The following PTPRD variants were observed in gnomAD, a reference collection of about 807,000 sequenced individuals.
PTPRD encodes the protein protein tyrosine phosphatase receptor type D.
PTPRD carries 34 observed loss-of-function variants against 214.5 expected under a neutral mutation model. The observed-to-expected ratio is 0.16, with a 90% confidence interval of 0.12 to 0.21. The LOEUF is 0.21. Ranked by LOEUF, PTPRD falls within the 10% of genes least tolerant of loss-of-function variation. The probability of loss-of-function intolerance (pLI) is 1.00; values close to 1 mark genes in which losing one functional copy is unlikely to be tolerated. For synonymous variants in PTPRD, 1,128 were observed against 845.7 expected (o/e 1.33, Z -5.79); for missense variants, 2,545 against 2,398.7 (o/e 1.06, Z -1.27).
chr9:9,821,602 G>A (rs577173660), intron 5 of PTPRD, among the ~76,000 whole-genome samples: 2 of 152,004 alleles, frequency 1.3e-5, no homozygotes, highest in African/African-American at 4.8e-5. Context: ...CTCTCTTCTT[G>A]TAATGTGTTT....
At chr9:9,927,159 T>G (rs1000664478) in intron 5 of PTPRD, among the ~76,000 whole-genome samples, 1 of 152,162 alleles carries the variant, frequency 6.6e-6, no homozygotes, top group African/African-American at 2.4e-5. Context: ...TATTTCTATA[T>G]TAGAATATTT....
At chr9:8,762,811 G>C (rs1449927254) in intron 11 of PTPRD, among the ~76,000 whole-genome samples, 1 of 152,162 alleles carries the variant, frequency 6.6e-6, no homozygotes, top group Non-Finnish European at 1.5e-5. Flanking sequence ...TAGCTATATA[G>C]ATAAGTGAGC....
At chr9:8,370,653 G>T (rs565398867) in intron 39 of PTPRD, among the ~76,000 whole-genome samples, 69 of 152,094 alleles carry the variant, frequency 4.5e-4, no homozygotes, top group Non-Finnish European at 8.5e-4. Flanking sequence ...ATAGCAATGT[G>T]GTATGGAATC....
At chr9:9,973,836 T>C (rs1297515221) in intron 4 of PTPRD, among the ~76,000 whole-genome samples, 1 of 152,238 alleles carries the variant, frequency 6.6e-6, no homozygotes, top group Non-Finnish European at 1.5e-5. Flanking sequence ...ATCTTATTTT[T>C]AGAAATTTTC....
chr9:9,298,306 T>C (rs1241746161), intron 9 of PTPRD, among the ~76,000 whole-genome samples: 2 of 151,718 alleles, frequency 1.3e-5, no homozygotes, highest in African/African-American at 2.4e-5. Context: ...AAACATCCTT[T>C]GTACATGAAA....
At chr9:8,789,999 G>A (rs1457628922) in intron 11 of PTPRD, among the ~76,000 whole-genome samples, 1 of 151,986 alleles carries the variant, frequency 6.6e-6, no homozygotes, top group East Asian at 1.9e-4. Flanking sequence ...CTTTCATTGT[G>A]TTTATTATTT....
intron 11 of PTPRD, among the ~76,000 whole-genome samples, chr9:8,968,415 T>C (rs1002414485): frequency 1.3e-4 from 19 of 151,626 alleles, no homozygotes; most frequent in African/African-American, 4.6e-4. Flanking sequence ...CTCCAGCACC[T>C]GTTGTTTCCT....
chr9:8,441,969 T>G (rs1389513827), intron 34 of PTPRD, among the ~76,000 whole-genome samples: 1 of 152,198 alleles, frequency 6.6e-6, no homozygotes, highest in African/African-American at 2.4e-5. Flanking sequence ...TTAAGACTGT[T>G]TGGGCTCTCT....
chr9:9,253,512 AAT>A (rs1389983420), intron 9 of PTPRD, among the ~76,000 whole-genome samples: 3 of 151,920 alleles, frequency 2.0e-5, no homozygotes, highest in South Asian at 4.1e-4. Context: ...TGAAAAAAAA[AAT>A]ATGTATACAC....
rs113588608 is a variant in PTPRD, at chr9:8,841,729, C to A, written c.-103-107783G>T. On this transcript the variant is annotated intron_variant, in intron 11 of 45. Transcript: ENST00000381196. ...AAGTGACTTAAAAAAAAAATGACAT[C>A]AGCCTGGCACGGTGGCTCACTCCTG... 4.4e-3 allele frequency among the ~76,000 whole-genome samples: 667 copies of A among 151,072 alleles called. 3 individuals carry two copies. Among genetic ancestry groups the A allele is most frequent in the African/African-American group, 0.015 (627 of 41,140 alleles).
intron 11 of PTPRD, among the ~76,000 whole-genome samples, chr9:8,791,056 A>G (rs1040056640): frequency 3.9e-5 from 6 of 152,188 alleles, no homozygotes; most frequent in African/African-American, 1.4e-4. Flanking sequence ...TCAAGATTAC[A>G]TCAGGATTTT....
At chr9:8,866,948 A>G (rs2098208437) in intron 11 of PTPRD, among the ~76,000 whole-genome samples, 1 of 152,314 alleles carries the variant, frequency 6.6e-6, no homozygotes, top group Admixed American at 6.5e-5. Context: ...CATTAATTGG[A>G]GTGGCAAAAT....
chr9:9,206,938 T>C (rs568248227), intron 9 of PTPRD, among the ~76,000 whole-genome samples: 12 of 152,328 alleles, frequency 7.9e-5, no homozygotes, highest in African/African-American at 2.6e-4. Flanking sequence ...ACATCTATCC[T>C]ATTAGTTCTG....
At chr9:8,601,307 C>G (rs2094845489) in intron 14 of PTPRD, among the ~76,000 whole-genome samples, 1 of 152,188 alleles carries the variant, frequency 6.6e-6, no homozygotes, top group Admixed American at 6.5e-5. Flanking sequence ...CTGCCACAAG[C>G]CTGGCAGAAC....
intron 14 of PTPRD, among the ~76,000 whole-genome samples, chr9:8,546,108 C>G (rs997418003): frequency 2.0e-5 from 3 of 152,198 alleles, no homozygotes; most frequent in African/African-American, 7.2e-5. Context: ...CTGTACTTAT[C>G]AGGGATCTCA....
At chr9:8,386,795 C>G (rs986797507) in intron 37 of PTPRD, among the ~76,000 whole-genome samples, 1 of 152,202 alleles carries the variant, frequency 6.6e-6, no homozygotes, top group Non-Finnish European at 1.5e-5. Context: ...CTTCTCCTTT[C>G]TTCCCGCTAC....
At chr9:9,088,797 C>G (rs2099771389) in intron 10 of PTPRD, among the ~76,000 whole-genome samples, 1 of 151,996 alleles carries the variant, frequency 6.6e-6, no homozygotes, top group South Asian at 2.1e-4. Flanking sequence ...GCTCTGGAGT[C>G]AGTGTCTGGA....
chr9:8,892,139 A>G (rs1467243997), intron 11 of PTPRD, among the ~76,000 whole-genome samples: 1 of 152,140 alleles, frequency 6.6e-6, no homozygotes, highest in African/African-American at 2.4e-5. Context: ...CCCCAGCCCT[A>G]ACAGCATGGG....
intron 3 of PTPRD, among the ~76,000 whole-genome samples, chr9:10,104,338 C>T (rs913433548): frequency 1.3e-5 from 2 of 151,592 alleles, no homozygotes; most frequent in African/African-American, 4.8e-5. Context: ...TATATATATA[C>T]ATTTTATAAT....
Sources: allele counts gnomAD v4.1 joint callset (sites outside exome capture counted in the v4.1 genomes callset), GRCh38; gene constraint gnomAD v4.1.1; transcripts MANE v1.5; gene names NCBI Gene and HGNC (gene_info 2026-07-23, HGNC 2026-07-21).